Variants in CBX5 observed in about 807,000 individuals in gnomAD.
CBX5 encodes chromobox protein homolog 5.
In CBX5, 7 loss-of-function variants were observed where a neutral mutation model predicts 20.7. The observed-to-expected ratio is 0.34, with a 90% CI of 0.19 to 0.63. The LOEUF (loss-of-function observed/expected upper bound fraction) is 0.63. Among genes scored for constraint, CBX5 ranks in the 30% least tolerant of loss-of-function variants. The pLI is 0.75. For missense variants in CBX5, 110 were observed against 224.1 expected, an observed-to-expected ratio of 0.49 and a Z score of 3.25; for synonymous variants, 78 against 77.0, an observed-to-expected ratio of 1.01 and a Z score of -0.07.
chr12:54,279,579 G>A (rs1486066234), intron 1 of CBX5, among the ~76,000 whole-genome samples: 1 of 152,134 alleles, frequency 6.6e-6, no homozygotes, highest in Non-Finnish European at 1.5e-5. Context: ...TAGGCTGTCC[G>A]TCTACTGGTT....
In CBX5 at chr12:54,242,381, C is replaced by T. The variant is rs181557829; in HGVS notation, c.426-476G>A. Among the ~76,000 whole-genome samples the T allele has an allele frequency of 1.8e-3, 276 of 152,018 alleles. 1 individual carries two copies. In the East Asian group the frequency reaches 0.029, roughly 16 times the overall value. On this transcript the variant is annotated intron_variant, in intron 4 of 4. Coordinates refer to ENST00000209875, the MANE Select transcript of CBX5 (RefSeq NM_012117.3). Reference sequence around the variant, plus strand: ...TCTACTAAAAGTACAAAAAATTAGCCGGGCGTGGTGGCGGGCGCCTGTAGT... The same window carrying T: ...TCTACTAAAAGTACAAAAAATTAGCTGGGCGTGGTGGCGGGCGCCTGTAGT...
intron 3 of CBX5, among the ~76,000 whole-genome samples, chr12:54,248,550 G>C (rs1943761082): frequency 6.6e-6 from 1 of 152,132 alleles, no homozygotes; most frequent in Admixed American, 6.5e-5. Context: ...GAGAGATACT[G>C]ACTTTTAAAA....
In CBX5 at chr12:54,254,524, A is replaced by C. The variant is rs537886595; in HGVS notation, c.138-2297T>G. Among the ~76,000 whole-genome samples the C allele has an allele frequency of 1.5e-4, 22 of 151,498 alleles. No individual in the cohort carries two copies. In the South Asian group the frequency reaches 4.6e-3, roughly 32 times the overall value. On this transcript the variant is annotated intron_variant, in intron 2 of 4. Coordinates refer to ENST00000209875, the MANE Select transcript of CBX5 (RefSeq NM_012117.3). ...TCTAAATCATTTGAGCTAATATGGG[A>C]AAGTTTCTCCTTTATATCCCTTCTC...
intron 3 of CBX5, among the ~76,000 whole-genome samples, chr12:54,248,284 C>T (rs963810525): frequency 6.6e-6 from 1 of 152,138 alleles, no homozygotes; most frequent in Non-Finnish European, 1.5e-5. Context: ...CCACCGCACC[C>T]GGCCCAAACT....
chr12:54,240,541 T>A lies in CBX5; in HGVS notation c.*1214A>T, dbSNP rs1325400271. ...TGTGCCTGGCCATGAAAATTCATTT[T>A]AAAAAATAAGATACAACTATAAGTT... On this transcript the variant is annotated 3_prime_UTR_variant, in exon 5 of 5. Transcript: ENST00000209875. The A allele has an allele frequency of 6.6e-6, 1 of 152,066 alleles. No homozygotes were observed. The highest frequency in any genetic ancestry group is 1.5e-5 in the Non-Finnish European group (1 of 68,024). The allele number at this position is 152,066 out of a possible 1,614,324, so 9.4% of individuals were successfully genotyped here.
Position 54,271,065 on chromosome 12 carries a change from A to T in CBX5, c.-43+8943T>A, listed in dbSNP as rs1320717324. 4.6e-5 allele frequency among the ~76,000 whole-genome samples: 7 copies of T among 152,180 alleles called. No homozygotes were observed. In the South Asian group the frequency reaches 6.2e-4, roughly 14 times the overall value. ...AACAAGACCCCGTTTAAATTTTTTT[A>T]AAAAACCTTTATGATTGAATCCTTT... On this transcript the variant is annotated intron_variant, in intron 1 of 4. Transcript: ENST00000209875.
At chr12:54,243,473 A>T (rs1385930780) in intron 4 of CBX5, among the ~76,000 whole-genome samples, 2 of 152,146 alleles carry the variant, frequency 1.3e-5, no homozygotes, top group African/African-American at 4.8e-5. Flanking sequence ...AGGTAGGAGG[A>T]TAACTTGAGC....
chr12:54,249,958 C>T (rs753314484), intron 3 of CBX5, among the ~76,000 whole-genome samples: 12 of 152,184 alleles, frequency 7.9e-5, no homozygotes, highest in Non-Finnish European at 1.5e-4. Context: ...CATGGTGGCT[C>T]ACACCTGTAA....
At chr12:54,255,356 G>A (rs567839078) in intron 2 of CBX5, among the ~76,000 whole-genome samples, 2 of 151,896 alleles carry the variant, frequency 1.3e-5, no homozygotes, top group African/African-American at 4.8e-5. Flanking sequence ...TCAGGAGTTC[G>A]AGACCAGCCT....
chr12:54,257,187 C>A (rs1158433928), intron 2 of CBX5, among the ~76,000 whole-genome samples: 1 of 152,110 alleles, frequency 6.6e-6, no homozygotes, highest in Non-Finnish European at 1.5e-5. Flanking sequence ...CCTTATTTCA[C>A]TGAGGAGATA....
chr12:54,263,814 G>A (rs370112521), intron 1 of CBX5, among the ~76,000 whole-genome samples: 7 of 145,832 alleles, frequency 4.8e-5, no homozygotes, highest in East Asian at 2.0e-4. Flanking sequence ...AAGGCCAGGC[G>A]CAGTGGCTCA....
chr12:54,273,884 A>G (rs1027768643), intron 1 of CBX5: 1 of 152,226 alleles, frequency 6.6e-6, no homozygotes, highest in Non-Finnish European at 1.5e-5. Context: ...GGGGGAATAA[A>G]ATTTTAAACA....
Position 54,278,039 on chromosome 12 carries a change from T to G in CBX5, c.-43+1969A>C, listed in dbSNP as rs987834409. On this transcript the variant is annotated intron_variant, in intron 1 of 4. Transcript: ENST00000209875. ...TACTCCAGTATTTTAAATGAATGGTTTTCAACCAAGGGAGATTTTATCCCC... is the reference window on the plus strand; with the variant it reads ...TACTCCAGTATTTTAAATGAATGGTGTTCAACCAAGGGAGATTTTATCCCC... Among the ~76,000 whole-genome samples, 4 of 152,276 alleles carry G rather than the reference T, an allele frequency of 2.6e-5. No individual in the cohort carries two copies. The South Asian group carries it at 8.3e-4, about 32-fold the overall frequency.
chr12:54,271,969 T>A (rs537073467), intron 1 of CBX5: 11 of 152,342 alleles, frequency 7.2e-5, no homozygotes, highest in African/African-American at 2.6e-4. Context: ...TGTGAAACAC[T>A]GAACAAATTA....
chr12:54,266,425 T>C (rs1230133688), intron 1 of CBX5, among the ~76,000 whole-genome samples: 1 of 151,858 alleles, frequency 6.6e-6, no homozygotes, highest in African/African-American at 2.4e-5. Context: ...AAAAAATAAA[T>C]ATAAAAACAT....
At chr12:54,269,524 G>A (rs1943989349) in intron 1 of CBX5, among the ~76,000 whole-genome samples, 1 of 151,916 alleles carries the variant, frequency 6.6e-6, no homozygotes, top group African/African-American at 2.4e-5. Context: ...GAGTAGCTGG[G>A]ACTACAGGAG....
intron 1 of CBX5, among the ~76,000 whole-genome samples, chr12:54,263,746 G>T (rs1424534000): frequency 7.1e-6 from 1 of 140,494 alleles, no homozygotes; most frequent in Non-Finnish European, 1.5e-5. Context: ...CTGGGCAACA[G>T]GGTAAGACTC....
intron 1 of CBX5, among the ~76,000 whole-genome samples, chr12:54,278,194 G>A (rs553861930): frequency 6.6e-6 from 1 of 152,288 alleles, no homozygotes; most frequent in African/African-American, 2.4e-5. Flanking sequence ...ATTTTACTAT[G>A]CACAGGACAC....
chr12:54,273,602 A>G (rs982388731), intron 1 of CBX5: 5 of 152,238 alleles, frequency 3.3e-5, no homozygotes, highest in Non-Finnish European at 7.3e-5. Flanking sequence ...ATGTATCCTT[A>G]TAATACACAG....
Sources: allele counts gnomAD v4.1 joint callset (sites outside exome capture counted in the v4.1 genomes callset), GRCh38; gene constraint gnomAD v4.1.1; transcripts MANE v1.5; gene names NCBI Gene and HGNC (gene_info 2026-07-23, HGNC 2026-07-21).